SGSM2: variants seen among roughly 807,000 people sequenced by gnomAD.
SGSM2 encodes the protein RUN and TBC1 domain containing 1.
Under a neutral mutation model 126.6 loss-of-function variants are expected in SGSM2, and 89 were observed. The observed-to-expected ratio is 0.70, with a 90% CI of 0.59 to 0.84. The LOEUF (loss-of-function observed/expected upper bound fraction) is 0.84, where lower values mean the gene tolerates loss of function less well. SGSM2 is among the 40% of genes least tolerant of loss of function. The probability of loss-of-function intolerance (pLI) is 0.00; values close to 1 mark genes in which losing one functional copy is unlikely to be tolerated. For synonymous variants in SGSM2, 614 were observed against 574.3 expected, an observed-to-expected ratio of 1.07 and a Z score of -0.99; for missense variants, 1,404 against 1,416.6, an observed-to-expected ratio of 0.99 and a Z score of 0.14.
chr17:2,339,564 A>C (rs533845501), intron 1 of SGSM2, among the ~76,000 whole-genome samples: 3 of 151,920 alleles, frequency 2.0e-5, no homozygotes, highest in South Asian at 2.1e-4. Flanking sequence ...TCTACAAAAA[A>C]TTAGCTGGGC....
Position 2,372,009 on chromosome 17 carries a change from A to C in SGSM2, c.1578-181A>C, listed in dbSNP as rs918123644. ...GGGGGCCAGGCGGGGGCCCCACAGC[A>C]CTCTGTCCAGGTGGCAGGCAGGGAC... On this transcript the variant is annotated intron_variant, in intron 13 of 23. Transcript: ENST00000268989. This position sits in a 1 kb window ranked among gnomAD's most constrained non-coding sequence, Gnocchi z 6.0. The C allele has an allele frequency of 4.4e-6, 3 of 684,796 alleles. No homozygotes were observed. The highest frequency in any genetic ancestry group is 3.6e-5 in the African/African-American group (2 of 54,864). The allele number at this position is 684,796 out of a possible 1,614,324, so 42.4% of individuals were successfully genotyped here.
intron 1 of SGSM2, among the ~76,000 whole-genome samples, chr17:2,343,289 A>T (rs2064458118): frequency 6.6e-6 from 1 of 152,134 alleles, no homozygotes; most frequent in African/African-American, 2.4e-5. Flanking sequence ...AAGGCAGGGC[A>T]CTTCCACCTG....
intron 12 of SGSM2, among the ~76,000 whole-genome samples, chr17:2,369,255 T>C (rs1465716654): frequency 6.6e-6 from 1 of 152,156 alleles, no homozygotes; most frequent in Non-Finnish European, 1.5e-5. Flanking sequence ...GACTTGTGCA[T>C]GTGAATCAGT....
Position 2,372,165 on chromosome 17 carries a change from C to T in SGSM2, c.1578-25C>T, listed in dbSNP as rs751916368. ...CCACCAGAGGGGCCGCAGCCCCTCC[C>T]TGCTGAGCCCGGTTGTTGCCACAGG... On this transcript the variant is annotated intron_variant, in intron 13 of 23. Coordinates refer to ENST00000268989, the MANE Select transcript of SGSM2 (RefSeq NM_014853.3). This position sits in a 1 kb window ranked among gnomAD's most constrained non-coding sequence, Gnocchi z 6.0. 6.2e-7 allele frequency: 1 copy of T among 1,612,982 alleles called. No homozygotes were observed. Among genetic ancestry groups the T allele is most frequent in the South Asian group, 1.1e-5 (1 of 91,072 alleles).
At chr17:2,340,882 C>A (rs1319309741) in intron 1 of SGSM2, among the ~76,000 whole-genome samples, 1 of 152,178 alleles carries the variant, frequency 6.6e-6, no homozygotes, top group Non-Finnish European at 1.5e-5. Context: ...CCACGCCTGG[C>A]CCAGTGTTTA....
chr17:2,340,591 T>A (rs1250926461), intron 1 of SGSM2, among the ~76,000 whole-genome samples: 1 of 147,994 alleles, frequency 6.8e-6, no homozygotes, highest in African/African-American at 2.5e-5. Context: ...TTTGATTTCT[T>A]TTTTTTTTTT....
chr17:2,372,924 GCA>G lies in SGSM2; in HGVS notation c.1789-26_1789-25del, dbSNP rs1199164905. 3 of 1,551,672 alleles carry G rather than the reference GCA, an allele frequency of 1.9e-6. No individual in the cohort carries two copies. Among genetic ancestry groups the G allele is most frequent in the Non-Finnish European group, 2.6e-6 (3 of 1,147,030 alleles). On this transcript the variant is annotated intron_variant, in intron 15 of 23. Transcript: ENST00000268989. This position sits in a 1 kb window ranked among gnomAD's most constrained non-coding sequence, Gnocchi z 6.0. The stretch of plus-strand genomic sequence containing the variant: ...CTGGGCCACGGTGACTGTGGAGGCT[GCA>G]CAGTCTTGACTCCCCGGGTCCCTCA...
In SGSM2 at chr17:2,380,561, G is replaced by T; in HGVS notation, c.*1041G>T. On this transcript the variant is annotated 3_prime_UTR_variant, in exon 24 of 24. Coordinates refer to ENST00000268989, the MANE Select transcript of SGSM2 (RefSeq NM_014853.3). The stretch of plus-strand genomic sequence containing the variant: ...GCTTCTCAGGATGCCAAGAGGCCTA[G>T]GAACCCAGAAACCCCCTTGGAGGAG... The T allele has an allele frequency of 3.6e-6, 2 of 555,042 alleles. No homozygotes were observed. Among genetic ancestry groups the T allele is most frequent in the East Asian group, 6.1e-5 (2 of 32,546 alleles). 34.4% of individuals were successfully genotyped at this position (555,042 alleles called of 1,614,324 possible). A position where few individuals can be genotyped will look rare whatever the true frequency, so the allele number is the denominator to read the frequency against.
intron 1 of SGSM2, among the ~76,000 whole-genome samples, chr17:2,340,262 A>G (rs1397197258): frequency 1.3e-5 from 2 of 151,458 alleles, no homozygotes; most frequent in Non-Finnish European, 1.5e-5. Context: ...CTACAGGCAC[A>G]TGCCACCACA....
In SGSM2 at chr17:2,380,231, G is replaced by A. The variant is rs1402365300; in HGVS notation, c.*711G>A. The A allele has an allele frequency of 1.3e-5, 20 of 1,535,730 alleles. No individual in the cohort carries two copies. Among genetic ancestry groups the A allele is most frequent in the Non-Finnish European group, 1.5e-5 (17 of 1,146,786 alleles). On this transcript the variant is annotated 3_prime_UTR_variant, in exon 24 of 24. Coordinates refer to ENST00000268989, the MANE Select transcript of SGSM2 (RefSeq NM_014853.3). ...TACCTCTGTGTATCTGTACAGCCTC[G>A]CTCCTGCCACCCCACCCTTGCGTTC...
rs1187013876 is a variant in SGSM2 at position 2,379,181 on chromosome 17, T to C, written c.3045T>C (p.Thr1015=). Reference sequence around the variant, plus strand: ...TCCGTGACAACAACATGGACTTCACTGACATCATCAAGTTTTTCAATGGTA... The same window carrying C: ...TCCGTGACAACAACATGGACTTCACCGACATCATCAAGTTTTTCAATGGTA... The part of the protein sequence containing the change: ...EIIRDNNMDF[T]DIIKFFNERA... Residue 1015 remains threonine, a synonymous_variant, in exon 23 of 24, where the codon ACT becomes ACC. Coordinates refer to ENST00000268989, the MANE Select transcript of SGSM2 (RefSeq NM_014853.3). 1 of 1,614,084 alleles carries C rather than the reference T, an allele frequency of 6.2e-7. No individual in the cohort carries two copies. Among genetic ancestry groups the C allele is most frequent in the South Asian group, 1.1e-5 (1 of 91,082 alleles).
At chr17:2,350,979 G>A (rs2447088) in intron 2 of SGSM2, among the ~76,000 whole-genome samples, 50,198 of 152,024 alleles carry the variant, frequency 0.33, 9,871 homozygotes, top group East Asian at 0.62. Flanking sequence ...TGGGCTGGGC[G>A]TGGTGGCTCA....
intron 2 of SGSM2, among the ~76,000 whole-genome samples, chr17:2,360,346 C>G (rs972616490): frequency 3.3e-5 from 5 of 152,062 alleles, no homozygotes; most frequent in African/African-American, 1.2e-4. Flanking sequence ...GTCCCTGTCT[C>G]AAAAATAAAA....
At chr17:2,376,524 G>C (rs112430514) in intron 19 of SGSM2, 2 of 678,208 alleles carry the variant, frequency 2.9e-6, no homozygotes, top group African/African-American at 1.8e-5. Context: ...CAAGCGTGAC[G>C]GCCTTGGCTC....
Position 2,376,262 on chromosome 17 carries a change from G to T in SGSM2, c.2609+1G>T. ...AGAGGCTCAGAGACGTCATGTGCAG[G>T]TGCCTTGTGGGGCGGGGCTCAGGGT... On this transcript the variant is annotated splice_donor_variant, in intron 19 of 23. Transcript: ENST00000268989. LOFTEE classifies it high-confidence loss of function. The T allele has an allele frequency of 6.2e-7, 1 of 1,613,590 alleles. No homozygotes were observed. The highest frequency in any genetic ancestry group is 8.5e-7 in the Non-Finnish European group (1 of 1,179,968).
rs931523846 is a variant in SGSM2 at position 2,380,366 on chromosome 17, T to G, written c.*846T>G. On this transcript the variant is annotated 3_prime_UTR_variant, in exon 24 of 24. Transcript: ENST00000268989. Reference sequence around the variant, plus strand: ...TCTGAGGAATCCCAGGGTGACTCTGTCGGGGAAGAATCCGGTCACAGCCTC... The same window carrying G: ...TCTGAGGAATCCCAGGGTGACTCTGGCGGGGAAGAATCCGGTCACAGCCTC... The G allele has an allele frequency of 7.5e-6, 11 of 1,471,382 alleles. No individual in the cohort carries two copies. The South Asian group carries it at 1.3e-4, about 18-fold the overall frequency. The allele number at this position is 1,471,382 out of a possible 1,614,324, so 91.1% of individuals were successfully genotyped here. A position where few individuals can be genotyped will look rare whatever the true frequency, so the allele number is the denominator to read the frequency against.
At chr17:2,348,736 A>G (rs2064713844) in intron 2 of SGSM2, among the ~76,000 whole-genome samples, 1 of 152,058 alleles carries the variant, frequency 6.6e-6, no homozygotes, top group South Asian at 2.1e-4. Context: ...AAGGTGCTCA[A>G]TCGCATTCTA....
intron 1 of SGSM2, among the ~76,000 whole-genome samples, chr17:2,342,005 G>A (rs1398732744): frequency 1.3e-5 from 2 of 152,254 alleles, no homozygotes; most frequent in East Asian, 1.9e-4. Context: ...CAACGCGCAC[G>A]GAGAATGAAC....
chr17:2,375,439 G>A, intron 17 of SGSM2, 53 bp from the exon 18 acceptor site: 2 of 1,542,506 alleles, frequency 1.3e-6, no homozygotes, highest in Non-Finnish European at 1.7e-6. Context: ...GAGGCGGTGG[G>A]CTGCGGGAAG....
Sources: gnomAD v4.1 joint callset for allele counts (sites outside exome capture counted in the v4.1 genomes callset) on GRCh38, gnomAD v4.1.1 for gene constraint, Gnocchi (gnomAD v3.1) non-coding constraint, MANE v1.5 for transcripts, NCBI Gene and HGNC (gene_info 2026-07-23, HGNC 2026-07-21) for gene names.